KCNMA1: variants seen among roughly 807,000 people sequenced by gnomAD.
KCNMA1 encodes potassium calcium-activated channel subfamily M alpha 1.
A neutral mutation model predicts 140.0 loss-of-function variants in KCNMA1; 29 were observed. The observed-to-expected ratio is 0.21, with a 90% confidence interval of 0.15 to 0.28. The LOEUF is 0.28. Ranked by LOEUF, KCNMA1 falls within the 10% of genes least tolerant of loss-of-function variation. KCNMA1 has a pLI of 1.00. For missense variants in KCNMA1, 880 were observed against 1,602.2 expected (o/e 0.55, Z 7.70); for synonymous variants, 612 against 611.9 (o/e 1.00, Z 0.00).
intron 23 of KCNMA1, among the ~76,000 whole-genome samples, chr10:76,943,019 C>A (rs1038867596): frequency 6.6e-6 from 1 of 152,214 alleles, no homozygotes; most frequent in African/African-American, 2.4e-5. Context: ...GGTTCTGTAA[C>A]TCTAACAGCC....
At chr10:77,343,320 G>GA (rs1172379959) in intron 2 of KCNMA1, among the ~76,000 whole-genome samples, 3 of 152,198 alleles carry the variant, frequency 2.0e-5, no homozygotes, top group African/African-American at 7.2e-5. Flanking sequence ...CCATGTGATA[G>GA]GTATTGCCAT....
At chr10:77,473,301 C>CT (rs762253709) in intron 1 of KCNMA1, among the ~76,000 whole-genome samples, 17 of 152,306 alleles carry the variant, frequency 1.1e-4, no homozygotes, top group Non-Finnish European at 2.1e-4. Flanking sequence ...GACCGCAGAA[C>CT]TGAACACTCA....
At chr10:76,876,308 T>C (rs2032368710), downstream of KCNMA1, 1 of 152,636 alleles carries the variant, frequency 6.6e-6, no homozygotes. Flanking sequence ...TAGAAATCAC[T>C]ATTACATCCA....
intron 23 of KCNMA1, among the ~76,000 whole-genome samples, chr10:76,918,639 C>T (rs938427244): frequency 2.6e-5 from 4 of 152,066 alleles, no homozygotes; most frequent in Non-Finnish European, 5.9e-5. Context: ...ACACTGCTGG[C>T]GGCAATGTAA....
chr10:77,380,821 T>G (rs1159562281), intron 2 of KCNMA1, among the ~76,000 whole-genome samples: 1 of 152,234 alleles, frequency 6.6e-6, no homozygotes, highest in Non-Finnish European at 1.5e-5. Flanking sequence ...GAAGGAATGA[T>G]GCCCCAAGCA....
intron 2 of KCNMA1, among the ~76,000 whole-genome samples, chr10:77,264,919 A>G (rs946038584): frequency 6.6e-5 from 10 of 152,164 alleles, no homozygotes; most frequent in Non-Finnish European, 1.3e-4. Flanking sequence ...AGTATCCACT[A>G]CAGGTTCAGA....
intron 5 of KCNMA1, among the ~76,000 whole-genome samples, chr10:77,161,465 C>T (rs2098553778): frequency 6.6e-6 from 1 of 152,018 alleles, no homozygotes; most frequent in Non-Finnish European, 1.5e-5. Context: ...AGCTGGTCTT[C>T]AACCCCTGGG....
intron 1 of KCNMA1, among the ~76,000 whole-genome samples, chr10:77,612,854 T>A (rs1027087013): frequency 2.0e-5 from 3 of 152,144 alleles, no homozygotes; most frequent in Non-Finnish European, 4.4e-5. Flanking sequence ...AACAATCCCC[T>A]CTAAGCCATT....
At chr10:77,634,642 T>C (rs1012993407) in intron 1 of KCNMA1, 38 of 985,208 alleles carry the variant, frequency 3.9e-5, no homozygotes, top group Non-Finnish European at 4.5e-5. Flanking sequence ...CTGGTAGAAT[T>C]TTCTGGAAAG....
intron 1 of KCNMA1, among the ~76,000 whole-genome samples, chr10:77,602,360 G>T (rs960442554): frequency 3.9e-5 from 6 of 152,176 alleles, no homozygotes; most frequent in African/African-American, 1.4e-4. Context: ...GGGCAAATCC[G>T]TACAGACAGA....
chr10:77,022,371 C>T (rs1480104918), intron 16 of KCNMA1, among the ~76,000 whole-genome samples: 2 of 152,180 alleles, frequency 1.3e-5, no homozygotes, highest in Non-Finnish European at 2.9e-5. Context: ...CAGAGGTGGA[C>T]TTTCCCTCAT....
chr10:77,253,655 G>C (rs2060119560), intron 2 of KCNMA1, among the ~76,000 whole-genome samples: 1 of 152,140 alleles, frequency 6.6e-6, no homozygotes, highest in Non-Finnish European at 1.5e-5. Flanking sequence ...ATCCAGGAGG[G>C]AAATAACCTC....
At chr10:77,602,669 T>C (rs1030957990) in intron 1 of KCNMA1, among the ~76,000 whole-genome samples, 1 of 152,140 alleles carries the variant, frequency 6.6e-6, no homozygotes, top group African/African-American at 2.4e-5. Context: ...ACCTGGGCAC[T>C]GGGCACATAT....
intron 5 of KCNMA1, among the ~76,000 whole-genome samples, chr10:77,132,657 T>C (rs2917454): frequency 0.15 from 23,206 of 151,892 alleles, 3,765 homozygotes; most frequent in East Asian, 0.87. Flanking sequence ...AATCCAAGCA[T>C]ATTGTGGATA....
intron 3 of KCNMA1, among the ~76,000 whole-genome samples, chr10:77,215,322 G>A (rs11594350): frequency 0.076 from 10,766 of 142,026 alleles, 448 homozygotes; most frequent in African/African-American, 0.12. Context: ...CTCTTCTGTC[G>A]GGATGGTCTT....
chr10:76,982,328 GAAAAA>G (rs11317483), intron 19 of KCNMA1, among the ~76,000 whole-genome samples: 2 of 144,434 alleles, frequency 1.4e-5, no homozygotes. Flanking sequence ...AATTGTTCAG[GAAAAA>G]AAAAAAAAAA....
At chr10:76,933,175 T>G (rs572175540) in intron 23 of KCNMA1, among the ~76,000 whole-genome samples, 35 of 152,332 alleles carry the variant, frequency 2.3e-4, no homozygotes, top group Non-Finnish European at 4.3e-4. Flanking sequence ...AGTGTAGGTT[T>G]TTAATACAGG....
intron 22 of KCNMA1, among the ~76,000 whole-genome samples, chr10:76,947,034 C>T (rs773295194): frequency 1.6e-4 from 24 of 152,086 alleles, no homozygotes; most frequent in Non-Finnish European, 3.1e-4. Context: ...GATGAGTGAA[C>T]GTGTACAAGG....
intron 2 of KCNMA1, among the ~76,000 whole-genome samples, chr10:77,337,044 G>T (rs529678325): frequency 9.2e-5 from 14 of 152,300 alleles, no homozygotes; most frequent in Admixed American, 1.3e-4. Flanking sequence ...ACTAGTCAGT[G>T]CTGGGATGAG....
Sources: allele counts gnomAD v4.1 joint callset (sites outside exome capture counted in the v4.1 genomes callset), GRCh38; gene constraint gnomAD v4.1.1; transcripts MANE v1.5; gene names NCBI Gene and HGNC (gene_info 2026-07-23, HGNC 2026-07-21).